ESRRG: variants seen among roughly 807,000 people sequenced by gnomAD.
The protein encoded by ESRRG is estrogen related receptor gamma.
A neutral mutation model predicts 44.0 loss-of-function variants in ESRRG; 13 were observed. The ratio of observed to expected loss-of-function variants is 0.30; its 90% confidence interval spans 0.19 to 0.47. The LOEUF (loss-of-function observed/expected upper bound fraction) is 0.47, where lower values mean the gene tolerates loss of function less well. Among genes scored for constraint, ESRRG ranks in the 20% least tolerant of loss-of-function variants. The pLI is 1.00. For synonymous variants in ESRRG, 215 were observed against 214.6 expected (o/e 1.00, Z -0.02); for missense variants, 395 against 580.6 (o/e 0.68, Z 3.29).
chr1:216,964,841 A>G (rs1361964101), intron 1 of ESRRG, among the ~76,000 whole-genome samples: 1 of 152,174 alleles, frequency 6.6e-6, no homozygotes, highest in African/African-American at 2.4e-5. Flanking sequence ...TTTGATATAG[A>G]GCCTAAATTA....
chr1:217,013,689 A>T (rs1257196517), intron 1 of ESRRG, among the ~76,000 whole-genome samples: 1 of 152,188 alleles, frequency 6.6e-6, no homozygotes, highest in South Asian at 2.1e-4. Flanking sequence ...TGAAGTATAC[A>T]TTAGCAACAC....
intron 1 of ESRRG, among the ~76,000 whole-genome samples, chr1:216,699,312 G>A (rs2080924599): frequency 6.6e-6 from 1 of 152,190 alleles, no homozygotes; most frequent in African/African-American, 2.4e-5. Flanking sequence ...GCAACAGTGT[G>A]CTGTACATCA....
At chr1:216,992,758 C>T in intron 1 of ESRRG, among the ~76,000 whole-genome samples, 1 of 152,160 alleles carries the variant, frequency 6.6e-6, no homozygotes, top group East Asian at 1.9e-4. Context: ...TTACAAAGCT[C>T]ATGCAGGCTT....
intron 3 of ESRRG, among the ~76,000 whole-genome samples, chr1:216,579,476 T>C (rs543604557): frequency 4.3e-4 from 66 of 152,308 alleles, no homozygotes; most frequent in African/African-American, 1.6e-3. Flanking sequence ...TGAAGTATTG[T>C]ACATGTGAAG....
intron 3 of ESRRG, among the ~76,000 whole-genome samples, chr1:216,613,956 C>T (rs1416232858): frequency 6.6e-6 from 1 of 152,172 alleles, no homozygotes; most frequent in Non-Finnish European, 1.5e-5. Flanking sequence ...ATGGGAGAGT[C>T]TTTGCTTGAT....
chr1:216,705,414 TA>T (rs747444825), intron 1 of ESRRG, among the ~76,000 whole-genome samples: 1 of 152,142 alleles, frequency 6.6e-6, no homozygotes, highest in African/African-American at 2.4e-5. Context: ...ATCCCCACTA[TA>T]AAAAAATCTG....
chr1:217,040,826 C>G (rs563565084), intron 1 of ESRRG, among the ~76,000 whole-genome samples: 1 of 152,244 alleles, frequency 6.6e-6, no homozygotes, highest in South Asian at 2.1e-4. Context: ...GCTAGCTGCA[C>G]AGTGGACCTC....
chr1:216,895,419 T>C (rs2058306743), intron 2 of ESRRG, among the ~76,000 whole-genome samples: 1 of 152,142 alleles, frequency 6.6e-6, no homozygotes, highest in Non-Finnish European at 1.5e-5. Context: ...AAAGGGCCAA[T>C]TAGGGTGAAA....
chr1:216,852,387 C>T (rs7521231), intron 2 of ESRRG, among the ~76,000 whole-genome samples: 44,506 of 152,010 alleles, frequency 0.29, 7,306 homozygotes, highest in African/African-American at 0.44. Flanking sequence ...GAAACCGTGG[C>T]ACACAAATTA....
At chr1:217,020,279 T>C (rs1337587862) in intron 1 of ESRRG, among the ~76,000 whole-genome samples, 1 of 152,178 alleles carries the variant, frequency 6.6e-6, no homozygotes, top group Non-Finnish European at 1.5e-5. Context: ...CAGTAAAATA[T>C]GACAAATTTG....
chr1:216,683,844 G>A (rs1386262967), intron 1 of ESRRG, among the ~76,000 whole-genome samples: 1 of 152,048 alleles, frequency 6.6e-6, no homozygotes, highest in Non-Finnish European at 1.5e-5. Context: ...TCTAATATTA[G>A]GTTGGTCAAC....
At chr1:216,721,607 T>C (rs1464060113) in intron 1 of ESRRG, among the ~76,000 whole-genome samples, 1 of 152,226 alleles carries the variant, frequency 6.6e-6, no homozygotes, top group East Asian at 1.9e-4. Context: ...AAACGAATTA[T>C]TCAAATTAGC....
chr1:217,005,145 T>C (rs2077556354), intron 1 of ESRRG, among the ~76,000 whole-genome samples: 1 of 152,182 alleles, frequency 6.6e-6, no homozygotes, highest in South Asian at 2.1e-4. Flanking sequence ...TTGTGTATAT[T>C]GTGATTTTAT....
upstream of ESRRG, among the ~76,000 whole-genome samples, chr1:217,093,957 A>G (rs1412197816): frequency 6.6e-6 from 1 of 152,074 alleles, no homozygotes; most frequent in African/African-American, 2.4e-5. Context: ...ACCATAGCTC[A>G]CTGTAACCTC....
chr1:216,584,468 G>C (rs2149865098), intron 3 of ESRRG, among the ~76,000 whole-genome samples: 1 of 152,146 alleles, frequency 6.6e-6, no homozygotes, highest in Non-Finnish European at 1.5e-5. Context: ...GTGTTGGCCA[G>C]GATGGTCTCG....
intron 2 of ESRRG, among the ~76,000 whole-genome samples, chr1:216,832,459 T>G (rs2095501657): frequency 6.6e-6 from 1 of 152,190 alleles, no homozygotes; most frequent in Non-Finnish European, 1.5e-5. Flanking sequence ...AATGTCATCC[T>G]GCTTCAGGGT....
intron 1 of ESRRG, among the ~76,000 whole-genome samples, chr1:217,060,989 CT>C (rs34948852): frequency 0.85 from 127,933 of 150,918 alleles, 54,556 homozygotes; most frequent in East Asian, 0.91. Context: ...CATGGGTAGT[CT>C]TTTTTTTTTA....
chr1:216,587,765 C>A (rs10218694), intron 3 of ESRRG, among the ~76,000 whole-genome samples: 66,171 of 151,934 alleles, frequency 0.44, 15,332 homozygotes, highest in African/African-American at 0.61. Flanking sequence ...AGTTCACCTC[C>A]TTAGTAATAA....
intron 2 of ESRRG, among the ~76,000 whole-genome samples, chr1:216,871,284 T>A (rs2149214598): frequency 6.6e-6 from 1 of 152,176 alleles, no homozygotes; most frequent in African/African-American, 2.4e-5. Context: ...GTTCAGACAT[T>A]TTCCTATCTT....
Sources: gnomAD v4.1 joint callset for allele counts (sites outside exome capture counted in the v4.1 genomes callset) on GRCh38, gnomAD v4.1.1 for gene constraint, MANE v1.5 for transcripts, NCBI Gene and HGNC (gene_info 2026-07-23, HGNC 2026-07-21) for gene names.